The following FGF23 variants were observed in gnomAD, a reference collection of about 807,000 sequenced individuals.
FGF23 encodes phosphatonin.
A neutral mutation model predicts 9.0 loss-of-function variants in FGF23; 8 were observed. The observed-to-expected ratio is 0.89, with a 90% confidence interval of 0.52 to 1.60. FGF23 has a LOEUF of 1.60. Ranked by LOEUF, FGF23 falls within the 40% of genes most tolerant of loss-of-function variation. The pLI is 0.00. For synonymous variants in FGF23, 118 were observed against 146.2 expected, an observed-to-expected ratio of 0.81 and a Z score of 1.39; for missense variants, 311 against 344.3, an observed-to-expected ratio of 0.90 and a Z score of 0.77.
chr12:4,374,774 A>C (rs1244167691), intron 1 of FGF23, among the ~76,000 whole-genome samples: 1 of 152,224 alleles, frequency 6.6e-6, no homozygotes, highest in East Asian at 1.9e-4. Context: ...TAAATTCTCA[A>C]AACAAATTTT....
rs747194763 is a variant in FGF23 at position 4,370,617 on chromosome 12, C to T, written c.482G>A (p.Arg161Lys). 2 of 1,614,132 alleles carry T rather than the reference C, an allele frequency of 1.2e-6. No homozygotes were observed. Among genetic ancestry groups the T allele is most frequent in the African/African-American group, 1.3e-5 (1 of 75,034 alleles). Residue 161 changes from arginine (R) to lysine (K), a missense_variant, in exon 3 of 3, where the codon AGG becomes AAG. Arg to Lys is a conservative substitution (Grantham distance 26). This residue lies in a region of FGF23 where 206 missense variants were observed against 219.2 expected (regional missense o/e 0.94). Transcript: ENST00000237837. ...GAAGTGAATTAGGGGGATCTCGTTC[C>T]TCCGGGACAGGAACTGGGAGTACGG... is the stretch of plus-strand genomic sequence containing the variant. ...PPPYSQFLSRRNEIPLIHFNT... is the reference protein window; with the variant it reads ...PPPYSQFLSRKNEIPLIHFNT...
At position 4,370,527 on chromosome 12, in the gene FGF23, T is replaced by G. The variant is rs1280541747; in HGVS notation, c.572A>C (p.Asn191Thr). ...CATCCGGGCCCGGGGCTTCAGCACG[T>G]TCAGGGGGTCCCGCTCCGAGTCGTC... ...AEDDSERDPL[N>T]VLKPRARMTP... Residue 191 changes from asparagine to threonine, a missense_variant, in exon 3 of 3, where the codon AAC (asparagine) becomes ACC (threonine). Transcript: ENST00000237837. 5.0e-6 allele frequency: 8 copies of G among 1,612,170 alleles called. No individual in the cohort carries two copies. Among genetic ancestry groups the G allele is most frequent in the African/African-American group, 1.3e-5 (1 of 74,784 alleles).
intron 1 of FGF23, among the ~76,000 whole-genome samples, chr12:4,373,308 T>A (rs903014202): frequency 6.6e-6 from 1 of 152,216 alleles, no homozygotes; most frequent in African/African-American, 2.4e-5. Context: ...TCCTCATCTT[T>A]CCATTCAAAA....
intron 1 of FGF23, among the ~76,000 whole-genome samples, chr12:4,375,251 G>A (rs918416760): frequency 2.6e-5 from 4 of 152,144 alleles, no homozygotes; most frequent in Non-Finnish European, 5.9e-5. Flanking sequence ...TGTTTATGCC[G>A]GGCCCATGCC....
chr12:4,373,633 C>T (rs1320863039), intron 1 of FGF23, among the ~76,000 whole-genome samples: 7 of 152,176 alleles, frequency 4.6e-5, no homozygotes, highest in Non-Finnish European at 7.3e-5. Context: ...CCCATTCACA[C>T]GACCTACCTC....
At chr12:4,378,678 T>G (rs940981472) in intron 1 of FGF23, among the ~76,000 whole-genome samples, 12 of 152,116 alleles carry the variant, frequency 7.9e-5, no homozygotes, top group African/African-American at 2.9e-4. Flanking sequence ...CAACTCATAC[T>G]GGGTACCTGG....
At position 4,370,243 on chromosome 12, in the gene FGF23, C is replaced by G. The variant is rs1236762658; in HGVS notation, c.*100G>C. On this transcript the variant is annotated 3_prime_UTR_variant, in exon 3 of 3. Coordinates refer to ENST00000237837, the MANE Select transcript of FGF23 (RefSeq NM_020638.3). ...AGAAGCAGCAAATTCCATACATGCC[C>G]CTGTCACCTTTCCCATCCTCGGAAC... 1.1e-5 allele frequency: 13 copies of G among 1,221,288 alleles called. No individual in the cohort carries two copies. The highest frequency in any genetic ancestry group is 1.6e-5 in the Non-Finnish European group (13 of 838,422). 75.7% of individuals were successfully genotyped at this position (1,221,288 alleles called of 1,614,324 possible). A position where few individuals can be genotyped will look rare whatever the true frequency, so the allele number is the denominator to read the frequency against.
At chr12:4,376,338 AGAT>A (rs770820105) in intron 1 of FGF23, among the ~76,000 whole-genome samples, 23 of 152,228 alleles carry the variant, frequency 1.5e-4, no homozygotes, top group Non-Finnish European at 5.9e-5. Flanking sequence ...CAAAGTAATA[AGAT>A]AAACCAGAAT....
intron 1 of FGF23, among the ~76,000 whole-genome samples, chr12:4,374,466 G>A (rs191109637): frequency 3.3e-5 from 5 of 152,176 alleles, no homozygotes; most frequent in African/African-American, 1.2e-4. Context: ...TGGCTAACAC[G>A]GTGAAACCTC....
chr12:4,370,249 A>G lies in FGF23; in HGVS notation c.*94T>C. 1 of 1,287,812 alleles carries G rather than the reference A, an allele frequency of 7.8e-7. No homozygotes were observed. Among genetic ancestry groups the G allele is most frequent in the Non-Finnish European group, 1.1e-6 (1 of 897,442 alleles). 79.8% of individuals were successfully genotyped at this position (1,287,812 alleles called of 1,614,324 possible). A position where few individuals can be genotyped will look rare whatever the true frequency, so the allele number is the denominator to read the frequency against. On this transcript the variant is annotated 3_prime_UTR_variant, in exon 3 of 3. Coordinates refer to ENST00000237837, the MANE Select transcript of FGF23 (RefSeq NM_020638.3). Reference sequence around the variant, plus strand: ...AGCAAATTCCATACATGCCCCTGTCACCTTTCCCATCCTCGGAACGTCAAG... The same window carrying G: ...AGCAAATTCCATACATGCCCCTGTCGCCTTTCCCATCCTCGGAACGTCAAG...
intron 1 of FGF23, among the ~76,000 whole-genome samples, chr12:4,372,965 G>A (rs1865079602): frequency 6.6e-6 from 1 of 152,122 alleles, no homozygotes; most frequent in African/African-American, 2.4e-5. Context: ...TCTTCTACCT[G>A]TGCTGAACAC....
intron 2 of FGF23, among the ~76,000 whole-genome samples, chr12:4,372,341 G>T (rs1049215558): frequency 6.8e-6 from 1 of 147,514 alleles, no homozygotes; most frequent in Admixed American, 6.8e-5. Flanking sequence ...AAAAAAAAAA[G>T]TGGGTTCCAA....
intron 1 of FGF23, among the ~76,000 whole-genome samples, chr12:4,376,743 C>T (rs1259015908): frequency 6.6e-6 from 1 of 152,036 alleles, no homozygotes; most frequent in Admixed American, 6.6e-5. Context: ...GGTCTCGAAC[C>T]CCTGACTTCA....
rs1484326596 is a variant in FGF23 at position 4,370,469 on chromosome 12, G to A, written c.630C>T (p.Leu210=). 1 of 1,612,942 alleles carries A rather than the reference G, an allele frequency of 6.2e-7. No individual in the cohort carries two copies. Among genetic ancestry groups the A allele is most frequent in the East Asian group, 2.2e-5 (1 of 44,842 alleles). ...TPAPASCSQE[L]PSAEDNSPMA... ...TCGGGCTGTTGTCCTCGGCGCTCGG[G>A]AGCTCCTGTGAACAGGAGGCCGGGG... Residue 210 remains leucine, a synonymous_variant, in exon 3 of 3, where the codon CTC becomes CTT. Transcript: ENST00000237837.
intron 1 of FGF23, among the ~76,000 whole-genome samples, chr12:4,376,805 C>T (rs887121284): frequency 6.6e-6 from 1 of 152,188 alleles, no homozygotes; most frequent in African/African-American, 2.4e-5. Flanking sequence ...ACGCGTGAGC[C>T]ACCGCATCTG....
In FGF23 at chr12:4,370,642, G is replaced by A. The variant is rs774018822; in HGVS notation, c.457C>T (p.Pro153Ser). The A allele has an allele frequency of 1.2e-6, 2 of 1,614,162 alleles. No homozygotes were observed. Among genetic ancestry groups the A allele is most frequent in the East Asian group, 2.2e-5 (1 of 44,876 alleles). ...RAFLPGMNPP[P>S]YSQFLSRRNE... is the part of the protein sequence containing the mutation. ...CTCCGGGACAGGAACTGGGAGTACG[G>A]GGGTGGGTTCATGCCTGGCAGGAAG... The change falls in exon 3 of 3, where the codon CCG becomes TCG. Residue 153 changes from proline (P) to serine (S), a missense_variant. Around this residue, in one of 3 missense-constraint regions of FGF23, gnomAD observed 206 missense variants for 219.2 expected, o/e 0.94. Coordinates refer to ENST00000237837, the MANE Select transcript of FGF23 (RefSeq NM_020638.3).
intron 2 of FGF23, 72 bp from the exon 3 acceptor site, chr12:4,370,855 GC>G: frequency 7.7e-7 from 1 of 1,302,056 alleles, no homozygotes; most frequent in Non-Finnish European, 1.1e-6. Context: ...TCCTCCTGGG[GC>G]CACATGCTTG....
At chr12:4,379,255 G>T in intron 1 of FGF23, 117 bp downstream of exon 1, 3 of 867,734 alleles carry the variant, frequency 3.5e-6, no homozygotes, top group Non-Finnish European at 3.9e-6. Context: ...AGTGGTTCCT[G>T]GGCAGAAAGC....
At position 4,368,926 on chromosome 12, in the gene FGF23, G is replaced by A. The variant is rs1176641326; in HGVS notation, c.*1417C>T. ...ATAGATCAAAGTATAAGGTTAGTAT[G>A]TGATGGCAGTGAGAAAAAAAAAAGT... On this transcript the variant is annotated 3_prime_UTR_variant, in exon 3 of 3. Transcript: ENST00000237837. The A allele has an allele frequency of 4.5e-6, 1 of 223,214 alleles. No homozygotes were observed. Among genetic ancestry groups the A allele is most frequent in the African/African-American group, 2.2e-5 (1 of 44,778 alleles). 13.8% of individuals were successfully genotyped at this position (223,214 alleles called of 1,614,324 possible). A position where few individuals can be genotyped will look rare whatever the true frequency, so the allele number is the denominator to read the frequency against.
Sources: gnomAD v4.1 joint callset for allele counts (sites outside exome capture counted in the v4.1 genomes callset) on GRCh38, gnomAD v4.1.1 for gene constraint, gnomAD v4.1.1 regional missense constraint, MANE v1.5 for transcripts, NCBI Gene and HGNC (gene_info 2026-07-23, HGNC 2026-07-21) for gene names.